Variants in FOXJ3 observed in about 807,000 individuals in gnomAD.
FOXJ3 encodes the protein forkhead box protein J3.
FOXJ3 carries 22 observed loss-of-function variants against 76.1 expected under a neutral mutation model. That is an observed-to-expected ratio of 0.29 (90% CI 0.21 to 0.41). The LOEUF (loss-of-function observed/expected upper bound fraction) is 0.41. Among genes scored for constraint, FOXJ3 ranks in the 10% least tolerant of loss-of-function variants. FOXJ3 has a pLI of 1.00. For missense variants in FOXJ3, 613 were observed against 762.1 expected, an observed-to-expected ratio of 0.80 and a Z score of 2.30; for synonymous variants, 269 against 261.2, an observed-to-expected ratio of 1.03 and a Z score of -0.29.
chr1:42,221,876 G>C (rs1255160210), intron 5 of FOXJ3, among the ~76,000 whole-genome samples: 3 of 143,624 alleles, frequency 2.1e-5, no homozygotes, highest in Non-Finnish European at 4.5e-5. Flanking sequence ...ACTTTGGGGG[G>C]CCAAGGCAAG....
intron 6 of FOXJ3, among the ~76,000 whole-genome samples, chr1:42,201,049 T>G (rs949604532): frequency 2.6e-5 from 4 of 152,150 alleles, no homozygotes; most frequent in African/African-American, 9.7e-5. Flanking sequence ...TTGATGTTTC[T>G]GAATGCTAAC....
At chr1:42,315,343 T>C (rs1276085952) in intron 1 of FOXJ3, 14 of 786,572 alleles carry the variant, frequency 1.8e-5, no homozygotes, top group Non-Finnish European at 2.2e-5. Context: ...ATGTGATTTT[T>C]ACCTGAATAA....
chr1:42,241,857 G>GT (rs1649169659), intron 4 of FOXJ3, among the ~76,000 whole-genome samples: 1 of 152,106 alleles, frequency 6.6e-6, no homozygotes. Context: ...ACTACCCAGG[G>GT]TCTCAAGGAC....
rs1570105869 is a variant in FOXJ3, at chr1:42,267,009, G to C, written c.370-1820C>G. ...GGGAGAGGTATAGGAAACTACCTTG[G>C]GCCCAGGATCCTATACAGATACCAT... is the stretch of plus-strand genomic sequence containing the variant. On this transcript the variant is annotated intron_variant, in intron 3 of 12. Coordinates refer to ENST00000361346, the MANE Select transcript of FOXJ3 (RefSeq NM_014947.5). Among the ~76,000 whole-genome samples, 3 of 151,934 alleles carry C rather than the reference G, an allele frequency of 2.0e-5. No individual in the cohort carries two copies. In the East Asian group the frequency reaches 5.8e-4, roughly 29 times the overall value.
chr1:42,329,429 G>A (rs1161618867), intron 1 of FOXJ3, among the ~76,000 whole-genome samples: 2 of 152,190 alleles, frequency 1.3e-5, no homozygotes, highest in Admixed American at 6.5e-5. Flanking sequence ...CAAATTTTGT[G>A]ACAGTTGTTA....
chr1:42,215,790 T>A (rs2124387690), intron 5 of FOXJ3, among the ~76,000 whole-genome samples: 1 of 152,294 alleles, frequency 6.6e-6, no homozygotes. Context: ...CATAAGACAG[T>A]GAACATCTTT....
intron 4 of FOXJ3, among the ~76,000 whole-genome samples, chr1:42,242,659 G>A (rs115694729): frequency 7.2e-5 from 11 of 151,782 alleles, no homozygotes; most frequent in South Asian, 2.1e-4. Flanking sequence ...CCAAGGACAC[G>A]GCAATCTACC....
intron 2 of FOXJ3, among the ~76,000 whole-genome samples, chr1:42,281,996 T>G (rs189644740): frequency 3.3e-5 from 5 of 151,290 alleles, no homozygotes; most frequent in Non-Finnish European, 7.4e-5. Context: ...GAGATGAAGG[T>G]TGCAGTGAGC....
chr1:42,212,534 A>C (rs1186276740), intron 5 of FOXJ3, among the ~76,000 whole-genome samples: 2 of 152,172 alleles, frequency 1.3e-5, no homozygotes. Context: ...GATAAAAATA[A>C]AGAAAAAAAA....
intron 1 of FOXJ3, among the ~76,000 whole-genome samples, chr1:42,321,545 A>G (rs1655428489): frequency 6.6e-6 from 1 of 152,152 alleles, no homozygotes; most frequent in Non-Finnish European, 1.5e-5. Context: ...AGAAGAACAG[A>G]CCTGATGTAT....
chr1:42,217,288 T>G (rs1647089319), intron 5 of FOXJ3, among the ~76,000 whole-genome samples: 2 of 152,172 alleles, frequency 1.3e-5, no homozygotes, highest in Non-Finnish European at 2.9e-5. Context: ...CCCAGCACTT[T>G]GGGAGGCCGA....
At chr1:42,325,871 T>C (rs1228318748) in intron 1 of FOXJ3, among the ~76,000 whole-genome samples, 1 of 152,168 alleles carries the variant, frequency 6.6e-6, no homozygotes, top group South Asian at 2.1e-4. Flanking sequence ...ACTTGACCCA[T>C]AAGATAATCA....
At chr1:42,195,919 G>A (rs1013251809) in intron 7 of FOXJ3, among the ~76,000 whole-genome samples, 1 of 152,246 alleles carries the variant, frequency 6.6e-6, no homozygotes, top group African/African-American at 2.4e-5. Flanking sequence ...GATTATCCTG[G>A]AACAAGTGGT....
intron 4 of FOXJ3, among the ~76,000 whole-genome samples, chr1:42,252,711 G>T (rs1231133757): frequency 1.3e-5 from 2 of 150,120 alleles, no homozygotes; most frequent in African/African-American, 4.9e-5. Flanking sequence ...TCTTTTAATT[G>T]TGATGTTAGG....
intron 4 of FOXJ3, among the ~76,000 whole-genome samples, chr1:42,257,254 C>T (rs1345339731): frequency 6.6e-6 from 1 of 152,192 alleles, no homozygotes; most frequent in Non-Finnish European, 1.5e-5. Context: ...ACTTTGACCA[C>T]ATTTTCCAAA....
At chr1:42,244,811 A>T (rs1649416674) in intron 4 of FOXJ3, among the ~76,000 whole-genome samples, 1 of 152,222 alleles carries the variant, frequency 6.6e-6, no homozygotes, top group Non-Finnish European at 1.5e-5. Context: ...ATGGACACAT[A>T]CAAGCTACTA....
chr1:42,278,719 G>A (rs535547175), intron 2 of FOXJ3, 47 bp from the exon 3 acceptor site: 20 of 1,336,660 alleles, frequency 1.5e-5, no homozygotes, highest in Admixed American at 1.4e-4. Context: ...AAGAACCCCT[G>A]CTTCTCAAAA....
rs140383293 is a variant in FOXJ3 at position 42,300,501 on chromosome 1, C to T, written c.44+10549G>A. ...ATAAAATTCTTGGCCGGTGGTTGTG[C>T]ACGGTGGCTCACACCTGTAATCCCA... On this transcript the variant is annotated intron_variant, in intron 2 of 12. Transcript: ENST00000361346. 4.3e-3 allele frequency among the ~76,000 whole-genome samples: 660 copies of T among 152,052 alleles called. 9 individuals carry two copies. Among genetic ancestry groups the T allele is most frequent in the African/African-American group, 0.015 (639 of 41,478 alleles).
intron 5 of FOXJ3, among the ~76,000 whole-genome samples, chr1:42,222,669 A>G (rs564336168): frequency 6.6e-6 from 1 of 152,274 alleles, no homozygotes; most frequent in South Asian, 2.1e-4. Context: ...TCAAATCCTA[A>G]TACTTTTCTA....
Sources: allele counts gnomAD v4.1 joint callset (sites outside exome capture counted in the v4.1 genomes callset), GRCh38; gene constraint gnomAD v4.1.1; transcripts MANE v1.5; gene names NCBI Gene and HGNC (gene_info 2026-07-23, HGNC 2026-07-21).